Variants in ATXN1 observed in about 807,000 individuals in gnomAD.
ATXN1 encodes ataxin-1.
In ATXN1, 8 loss-of-function variants were observed where a neutral mutation model predicts 56.4. The ratio of observed to expected loss-of-function variants is 0.14; its 90% confidence interval spans 0.08 to 0.26. ATXN1 has a LOEUF of 0.26. Among genes scored for constraint, ATXN1 ranks in the 10% least tolerant of loss-of-function variants. The pLI, the probability that ATXN1 is intolerant of heterozygous loss-of-function variation, is 1.00. For missense variants in ATXN1, 987 were observed against 1,106.5 expected, an observed-to-expected ratio of 0.89 and a Z score of 1.53; for synonymous variants, 514 against 494.6, an observed-to-expected ratio of 1.04 and a Z score of -0.52.
chr6:16,579,180 A>G (rs1344386911), intron 4 of ATXN1, among the ~76,000 whole-genome samples: 1 of 152,074 alleles, frequency 6.6e-6, no homozygotes, highest in African/African-American at 2.4e-5. Context: ...GCATGAACAG[A>G]GTGTTTTTGT....
intron 2 of ATXN1, among the ~76,000 whole-genome samples, chr6:16,744,320 C>T (rs1020412474): frequency 7.2e-5 from 11 of 152,140 alleles, no homozygotes; most frequent in Admixed American, 1.3e-4. Context: ...TGAAAACCAG[C>T]GCCAAGGAGC....
chr6:16,468,371 A>G (rs1760149588), intron 6 of ATXN1, among the ~76,000 whole-genome samples: 1 of 152,032 alleles, frequency 6.6e-6, no homozygotes, highest in Non-Finnish European at 1.5e-5. Flanking sequence ...TTGTATTTTT[A>G]GTAGAGACGG....
chr6:16,711,989 G>A (rs1759534289), intron 2 of ATXN1, among the ~76,000 whole-genome samples: 3 of 150,962 alleles, frequency 2.0e-5, no homozygotes, highest in African/African-American at 7.3e-5. Context: ...GATTCCATTT[G>A]TATGAAGCTC....
intron 6 of ATXN1, among the ~76,000 whole-genome samples, chr6:16,424,600 C>T (rs1759110735): frequency 6.6e-6 from 1 of 152,226 alleles, no homozygotes; most frequent in African/African-American, 2.4e-5. Context: ...AACTGGAATT[C>T]TCCATTGCTG....
intron 4 of ATXN1, among the ~76,000 whole-genome samples, chr6:16,573,974 G>A (rs1441822548): frequency 6.6e-6 from 1 of 152,156 alleles, no homozygotes; most frequent in East Asian, 1.9e-4. Context: ...TGTTGTCATG[G>A]ATTGCTCTAT....
intron 4 of ATXN1, among the ~76,000 whole-genome samples, chr6:16,579,716 C>T (rs12660297): frequency 0.14 from 20,830 of 151,870 alleles, 2,726 homozygotes; most frequent in African/African-American, 0.35. Flanking sequence ...GGGTGTTGAA[C>T]AGAGGGGGAA....
chr6:16,708,487 CA>C (rs1759452896), intron 2 of ATXN1, among the ~76,000 whole-genome samples: 1 of 152,070 alleles, frequency 6.6e-6, no homozygotes, highest in African/African-American at 2.4e-5. Flanking sequence ...AAGTATATAT[CA>C]AAATTTGTAC....
chr6:16,424,831 C>T (rs1738747153), intron 6 of ATXN1, among the ~76,000 whole-genome samples: 1 of 152,188 alleles, frequency 6.6e-6, no homozygotes, highest in Non-Finnish European at 1.5e-5. Flanking sequence ...CATTCAGAAC[C>T]TTCAGGAAGA....
chr6:16,652,870 A>C (rs1758097997), intron 3 of ATXN1: 1 of 152,124 alleles, frequency 6.6e-6, no homozygotes, highest in Admixed American at 6.6e-5. Context: ...TGCTCGCCAA[A>C]CCTCCTTTAG....
At chr6:16,345,452 A>C (rs1219896234) in intron 6 of ATXN1, among the ~76,000 whole-genome samples, 1 of 152,220 alleles carries the variant, frequency 6.6e-6, no homozygotes, top group Non-Finnish European at 1.5e-5. Flanking sequence ...AAAGACAACA[A>C]TTTTGTTGAA....
rs746717153 is a variant in ATXN1, at chr6:16,411,125, CAAAAAAAAAAA to C, written c.-161+74836_-161+74846del. Reference sequence around the variant, plus strand: ...GGGTGACAGAGTGAGACCTCTGTGTCAAAAAAAAAAAAAAAAAAAAGAAAAGAAAAGAAAAG... The same window carrying C: ...GGGTGACAGAGTGAGACCTCTGTGTCAAAAAAAAAGAAAAGAAAAGAAAAG... On this transcript the variant is annotated intron_variant, in intron 6 of 7. Coordinates refer to ENST00000436367, the MANE Select transcript of ATXN1 (RefSeq NM_001128164.2). Among the ~76,000 whole-genome samples, 3 of 80,682 alleles carry C rather than the reference CAAAAAAAAAAA, an allele frequency of 3.7e-5. No individual in the cohort carries two copies. In the East Asian group the frequency reaches 1.5e-3, roughly 41 times the overall value. The allele number at this position is 80,682 out of a possible 152,430, so 52.9% of individuals were successfully genotyped here.
chr6:16,620,728 A>G (rs1763305659), intron 3 of ATXN1, among the ~76,000 whole-genome samples: 1 of 152,188 alleles, frequency 6.6e-6, no homozygotes, highest in African/African-American at 2.4e-5. Context: ...AGGTGTATTT[A>G]CAGCTGGGTG....
chr6:16,326,885 C>T lies in ATXN1; in HGVS notation c.1426G>A (p.Gly476Ser), dbSNP rs776409489. The T allele has an allele frequency of 9.9e-6, 16 of 1,611,094 alleles. No homozygotes were observed. Among genetic ancestry groups the T allele is most frequent in the African/African-American group, 2.7e-5 (2 of 74,870 alleles). The change falls in exon 7 of 8, where the codon GGC becomes AGC. Residue 476 changes from glycine (G) to serine (S), a missense_variant. Physicochemically the swap from Gly to Ser is moderately conservative, Grantham distance 56. Coordinates refer to ENST00000436367, the MANE Select transcript of ATXN1 (RefSeq NM_001128164.2). This position sits in a 1 kb window ranked among gnomAD's most constrained non-coding sequence, Gnocchi z 6.6. ...SGQQQAITYAGSLPQHLVIPG... is the reference protein window; with the variant it reads ...SGQQQAITYASSLPQHLVIPG... ...ATCACCAGGTGCTGGGGCAGGCTGC[C>T]GGCGTAGGTGATTGCTTGCTGCTGG...
At chr6:16,633,856 C>T (rs139790577) in intron 3 of ATXN1, among the ~76,000 whole-genome samples, 123 of 152,314 alleles carry the variant, frequency 8.1e-4, no homozygotes, top group Middle Eastern at 3.4e-3. Context: ...TTTACGCTTG[C>T]ACCTTATTTG....
intron 6 of ATXN1, among the ~76,000 whole-genome samples, chr6:16,385,682 G>A (rs931247172): frequency 2.6e-5 from 4 of 152,184 alleles, no homozygotes; most frequent in African/African-American, 4.8e-5. Flanking sequence ...CCCCCTACAT[G>A]CAGTAGGTAC....
intron 6 of ATXN1, among the ~76,000 whole-genome samples, chr6:16,449,020 G>A (rs1279239425): frequency 6.6e-6 from 1 of 152,114 alleles, no homozygotes; most frequent in East Asian, 1.9e-4. Context: ...TCCTGGCATT[G>A]CCACAACTAC....
rs1237547562 is a variant in ATXN1, at chr6:16,326,744, C to T, written c.1567G>A (p.Val523Ile). 11 of 1,613,632 alleles carry T rather than the reference C, an allele frequency of 6.8e-6. No individual in the cohort carries two copies. The highest frequency in any genetic ancestry group is 5.3e-5 in the African/African-American group (4 of 75,038). The change falls in exon 7 of 8, where the codon GTC becomes ATC. Residue 523 changes from valine to isoleucine, a missense_variant. Physicochemically the swap from Val to Ile is conservative, Grantham distance 29. Coordinates refer to ENST00000436367, the MANE Select transcript of ATXN1 (RefSeq NM_001128164.2). This position sits in a 1 kb window ranked among gnomAD's most constrained non-coding sequence, Gnocchi z 6.6. ...TCGCTCTTGGGAAGGGCGGTGGTGA[C>T]GAACGTGTGAGGCACTGCAGCAAAC... Reference protein sequence around the residue: ...PQFAAVPHTFVTTALPKSENF... With the variant: ...PQFAAVPHTFITTALPKSENF...
intron 4 of ATXN1, among the ~76,000 whole-genome samples, chr6:16,547,473 T>C (rs1761835321): frequency 1.3e-5 from 2 of 152,112 alleles, no homozygotes; most frequent in Non-Finnish European, 2.9e-5. Context: ...GAAGCGGTGG[T>C]GTGTGTGGAT....
intron 5 of ATXN1, among the ~76,000 whole-genome samples, chr6:16,517,108 C>T (rs16878335): frequency 0.038 from 5,843 of 152,308 alleles, 377 homozygotes; most frequent in African/African-American, 0.13. Context: ...TACAAGAAGG[C>T]ATTAGCTATT....
Sources: allele counts gnomAD v4.1 joint callset (sites outside exome capture counted in the v4.1 genomes callset), GRCh38; gene constraint gnomAD v4.1.1; non-coding constraint Gnocchi (gnomAD v3.1); transcripts MANE v1.5; gene names NCBI Gene and HGNC (gene_info 2026-07-23, HGNC 2026-07-21).